The following SLC30A7 variants were observed in gnomAD, a reference collection of about 807,000 sequenced individuals.
SLC30A7 encodes the protein zinc transporter 7.
In SLC30A7, 35 loss-of-function variants were observed where a neutral mutation model predicts 46.0. That is an observed-to-expected ratio of 0.76 (90% CI 0.58 to 1.01). The LOEUF (loss-of-function observed/expected upper bound fraction) is 1.01. Among genes scored for constraint, SLC30A7 ranks in the 50% least tolerant of loss-of-function variants. The pLI is 0.00. For synonymous variants in SLC30A7, 147 were observed against 157.8 expected, an observed-to-expected ratio of 0.93 and a Z score of 0.51; for missense variants, 464 against 451.1, an observed-to-expected ratio of 1.03 and a Z score of -0.26.
At chr1:100,918,170 C>T (rs752732588) in intron 7 of SLC30A7, 43 bp downstream of exon 7, 4 of 1,509,758 alleles carry the variant, frequency 2.6e-6, no homozygotes, top group African/African-American at 2.8e-5. Flanking sequence ...TTTGAAACTG[C>T]TTTTATAGTT....
chr1:100,896,659 T>C lies in SLC30A7; in HGVS notation c.170T>C (p.Ile57Thr), dbSNP rs1261475812. ...GCTTTTGTGGAACTACTCTACGGCA[T>C]CTGGAGCAACTGGTAACCAAAGGGG... ...SFAFVELLYGIWSNCLGLISD... is the reference protein window; with the variant it reads ...SFAFVELLYGTWSNCLGLISD... Residue 57 changes from isoleucine (I) to threonine (T), a missense_variant, in exon 2 of 11, where the codon ATC becomes ACC. Ile to Thr is a moderately conservative substitution (Grantham distance 89). Transcript: ENST00000357650. 3.1e-6 allele frequency: 5 copies of C among 1,614,028 alleles called. No individual in the cohort carries two copies. The highest frequency in any genetic ancestry group is 4.2e-6 in the Non-Finnish European group (5 of 1,179,936).
At chr1:100,990,163 G>A in the SLC30A7 span, 4 of 488,272 alleles carry the variant, frequency 8.2e-6, no homozygotes, top group African/African-American at 3.9e-5. Flanking sequence ...TTCACAGGGC[G>A]GCAAGAGTGA....
At chr1:100,965,696 G>A in intron 9 of SLC30A7, 73 bp from the exon 10 acceptor site, 1 of 1,236,876 alleles carries the variant, frequency 8.1e-7, no homozygotes, top group East Asian at 2.3e-5. Flanking sequence ...TTACTGATAT[G>A]TTGCATAATA....
downstream of SLC30A7, among the ~76,000 whole-genome samples, chr1:100,984,860 G>A (rs574740795): frequency 9.9e-5 from 15 of 152,242 alleles, no homozygotes; most frequent in South Asian, 8.3e-4. Flanking sequence ...CCTTAAAGCA[G>A]ATATTTAAAA....
chr1:100,911,208 T>C (rs1281954726), intron 4 of SLC30A7, 58 bp downstream of exon 4: 28 of 1,182,276 alleles, frequency 2.4e-5, no homozygotes, highest in Non-Finnish European at 3.4e-5. Flanking sequence ...AAATGTTTAT[T>C]AATTAAAGAT....
rs546969874 is a variant in SLC30A7, at chr1:100,964,730, C to G, written c.934-1039C>G. ...TGCCACATATGGAAGTAGGAGAAAT[C>G]TTTTCAACCAGGTTATTTCATTAAC... On this transcript the variant is annotated intron_variant, in intron 9 of 10. Coordinates refer to ENST00000357650, the MANE Select transcript of SLC30A7 (RefSeq NM_133496.5). 8.5e-5 allele frequency among the ~76,000 whole-genome samples: 13 copies of G among 152,272 alleles called. No individual in the cohort carries two copies. In the South Asian group the frequency reaches 2.7e-3, roughly 32 times the overall value.
downstream of SLC30A7, among the ~76,000 whole-genome samples, chr1:100,984,896 C>CT (rs534056607): frequency 3.4e-4 from 52 of 152,170 alleles, no homozygotes; most frequent in African/African-American, 1.3e-3. Flanking sequence ...TACAAAAATG[C>CT]TATATGAAAT....
At chr1:100,923,004 A>ATTTTTTTTTTT (rs71084855) in intron 8 of SLC30A7, among the ~76,000 whole-genome samples, 1 of 49,138 alleles carries the variant, frequency 2.0e-5, no homozygotes, top group African/African-American at 9.2e-5. Context: ...GTTAGAATAG[A>ATTTTTTTTTTT]TTTTTTTTTT....
intron 8 of SLC30A7, among the ~76,000 whole-genome samples, chr1:100,957,209 A>G (rs1421611721): frequency 6.6e-6 from 1 of 152,152 alleles, no homozygotes; most frequent in Non-Finnish European, 1.5e-5. Context: ...ACAACTCGAG[A>G]GTAAGGTCCC....
chr1:100,908,745 A>C (rs966549246), intron 3 of SLC30A7, among the ~76,000 whole-genome samples: 4 of 152,128 alleles, frequency 2.6e-5, no homozygotes, highest in African/African-American at 9.6e-5. Flanking sequence ...CCAAAGTTAT[A>C]ATTTTTGTTG....
chr1:100,959,992 T>C (rs17123541), intron 8 of SLC30A7, among the ~76,000 whole-genome samples: 15,860 of 152,194 alleles, frequency 0.1, 878 homozygotes, highest in Middle Eastern at 0.2. Context: ...ATTTAGGATA[T>C]TAAATCACGA....
chr1:100,898,431 G>A (rs1247602992), intron 2 of SLC30A7, among the ~76,000 whole-genome samples: 3 of 152,070 alleles, frequency 2.0e-5, no homozygotes, highest in African/African-American at 7.2e-5. Context: ...TACCCTTAGG[G>A]GACTTGCTTT....
At chr1:100,927,369 A>G (rs1653372835) in intron 8 of SLC30A7, among the ~76,000 whole-genome samples, 1 of 152,174 alleles carries the variant, frequency 6.6e-6, no homozygotes, top group Non-Finnish European at 1.5e-5. Context: ...AGCCTTGTAA[A>G]GAAACCTGTT....
At position 100,959,495 on chromosome 1, in the gene SLC30A7, G is replaced by T. The variant is rs79246955; in HGVS notation, c.843-2333G>T. Among the ~76,000 whole-genome samples, 84 of 152,314 alleles carry T rather than the reference G, an allele frequency of 5.5e-4. 2 individuals are homozygous for T. In the East Asian group the frequency reaches 0.015, roughly 28 times the overall value. On this transcript the variant is annotated intron_variant, in intron 8 of 10. Coordinates refer to ENST00000357650, the MANE Select transcript of SLC30A7 (RefSeq NM_133496.5). ...GTTATTCCAAGGTTCATTTGGGGGA[G>T]AATCTACTTCTGAGCTCACTCAAGT...
chr1:100,921,819 A>G lies in SLC30A7; in HGVS notation c.820A>G (p.Ile274Val). Residue 274 changes from isoleucine to valine, a missense_variant, in exon 8 of 11, where the codon ATA becomes GTA. Transcript: ENST00000357650. ...MIADPICSIL[I>V]AILIVVSVIP... ...AGCAGATCCTATCTGTTCAATTCTTATAGCCATTCTTATAGTTGTAAGGTA... is the reference window on the plus strand; with the variant it reads ...AGCAGATCCTATCTGTTCAATTCTTGTAGCCATTCTTATAGTTGTAAGGTA... 6.2e-7 allele frequency: 1 copy of G among 1,612,908 alleles called. No individual in the cohort carries two copies. The highest frequency in any genetic ancestry group is 1.3e-5 in the African/African-American group (1 of 75,014).
chr1:100,948,382 T>C (rs1043254688), intron 8 of SLC30A7, among the ~76,000 whole-genome samples: 4 of 152,264 alleles, frequency 2.6e-5, no homozygotes, highest in African/African-American at 9.6e-5. Context: ...CACTCTCTTC[T>C]GGCTTTTAGG....
chr1:100,942,687 A>G (rs763126334), intron 8 of SLC30A7, among the ~76,000 whole-genome samples: 6 of 152,216 alleles, frequency 3.9e-5, no homozygotes, highest in Non-Finnish European at 8.8e-5. Context: ...CAGAAAACAA[A>G]TGTATTAGGG....
At chr1:100,910,330 G>A (rs929894196) in intron 3 of SLC30A7, among the ~76,000 whole-genome samples, 4 of 151,950 alleles carry the variant, frequency 2.6e-5, no homozygotes, top group African/African-American at 9.7e-5. Flanking sequence ...CCAAATATAC[G>A]ATACAGAAAA....
intron 8 of SLC30A7, among the ~76,000 whole-genome samples, chr1:100,929,444 A>G (rs1232497148): frequency 6.6e-6 from 1 of 152,176 alleles, no homozygotes; most frequent in Non-Finnish European, 1.5e-5. Flanking sequence ...TCAAATTGGT[A>G]AAAATTTGCC....
Sources: gnomAD v4.1 joint callset for allele counts (sites outside exome capture counted in the v4.1 genomes callset) on GRCh38, gnomAD v4.1.1 for gene constraint, MANE v1.5 for transcripts, NCBI Gene and HGNC (gene_info 2026-07-23, HGNC 2026-07-21) for gene names.